The following SMUG1 variants were observed in gnomAD, a reference collection of about 807,000 sequenced individuals.
The protein encoded by SMUG1 is single-strand selective monofunctional uracil DNA glycosylase.
SMUG1 carries 13 observed loss-of-function variants against 23.9 expected under a neutral mutation model. The ratio of observed to expected loss-of-function variants is 0.54; its 90% CI spans 0.35 to 0.86. The LOEUF (loss-of-function observed/expected upper bound fraction) is 0.86, where lower values mean the gene tolerates loss of function less well. SMUG1 is among the 40% of genes least tolerant of loss of function. The pLI is 0.01. For synonymous variants in SMUG1, 133 were observed against 139.8 expected (o/e 0.95, Z 0.34); for missense variants, 313 against 339.5 (o/e 0.92, Z 0.61).
At position 54,181,474 on chromosome 12, in the gene SMUG1, G is replaced by C. The variant is rs1468290020; in HGVS notation, c.*622C>G. ...CCTGTTTTACAGATGAGGAGCCTGA[G>C]GCATAGAGAGGTTTATTAATTTGTC... is the stretch of plus-strand genomic sequence containing the variant. On this transcript the variant is annotated 3_prime_UTR_variant, in exon 4 of 4. Coordinates refer to ENST00000682136, the MANE Select transcript of SMUG1 (RefSeq NM_001243787.2). 7.8e-7 allele frequency: 1 copy of C among 1,284,926 alleles called. No homozygotes were observed. Among genetic ancestry groups the C allele is most frequent in the Non-Finnish European group, 1.1e-6 (1 of 919,438 alleles). The allele number at this position is 1,284,926 out of a possible 1,614,324, so 79.6% of individuals were successfully genotyped here.
chr12:54,174,162 T>C (rs566515796), intron 2 of SMUG1, among the ~76,000 whole-genome samples: 80 of 152,210 alleles, frequency 5.3e-4, no homozygotes, highest in African/African-American at 1.9e-3. Flanking sequence ...AGACCTTCCA[T>C]ACAGCCAGGT....
chr12:54,182,021 A>G lies in SMUG1; in HGVS notation c.*75T>C. The G allele has an allele frequency of 6.6e-7, 1 of 1,511,530 alleles. No homozygotes were observed. Among genetic ancestry groups the G allele is most frequent in the Non-Finnish European group, 8.8e-7 (1 of 1,131,954 alleles). 93.6% of individuals were successfully genotyped at this position (1,511,530 alleles called of 1,614,324 possible). ...GAAGGACCTTTTGCTCCAGTCCAGGAGATGTGTTGTCATCTGCTTGGCCAA... is the reference window on the plus strand; with the variant it reads ...GAAGGACCTTTTGCTCCAGTCCAGGGGATGTGTTGTCATCTGCTTGGCCAA... On this transcript the variant is annotated 3_prime_UTR_variant, in exon 4 of 4. Transcript: ENST00000682136.
In SMUG1 at chr12:54,181,393, G is replaced by T; in HGVS notation, c.*703C>A. On this transcript the variant is annotated 3_prime_UTR_variant, in exon 4 of 4. Coordinates refer to ENST00000682136, the MANE Select transcript of SMUG1 (RefSeq NM_001243787.2). ...CACCCACATGCCAAGCCCATGCAAG[G>T]CACTTTCAAGTGTGATCTCAGTTAA... 1.5e-6 allele frequency: 1 copy of T among 663,806 alleles called. No homozygotes were observed. The highest frequency in any genetic ancestry group is 2.6e-6 in the Non-Finnish European group (1 of 389,014). 41.1% of individuals were successfully genotyped at this position (663,806 alleles called of 1,614,324 possible). A position where few individuals can be genotyped will look rare whatever the true frequency, so the allele number is the denominator to read the frequency against.
intron 3 of SMUG1, among the ~76,000 whole-genome samples, chr12:54,171,350 A>G (rs1033996002): frequency 6.6e-6 from 1 of 151,528 alleles, no homozygotes; most frequent in East Asian, 2.0e-4. Context: ...ATCCAGTGTC[A>G]CTGATTACTC....
chr12:54,167,760 C>G (rs1314836138), intron 3 of SMUG1, among the ~76,000 whole-genome samples: 3 of 152,340 alleles, frequency 2.0e-5, no homozygotes, highest in South Asian at 2.1e-4. Context: ...CCTGAACTAT[C>G]CTGCTTCCAG....
At chr12:54,188,292 AATAAAT>A (rs1181843999) in intron 1 of SMUG1, among the ~76,000 whole-genome samples, 1,172 of 31,592 alleles carry the variant, frequency 0.037, 20 homozygotes, top group African/African-American at 0.087. Flanking sequence ...TAATAATAAT[AATAAAT>A]AATAATAATA....
At position 54,181,565 on chromosome 12, in the gene SMUG1, C is replaced by A; in HGVS notation, c.*531G>T. ...AGGTCTTCTGACTTGCACTCTGTCA[C>A]ACTGGATTTTTCCTCTGATCCAGCT... On this transcript the variant is annotated 3_prime_UTR_variant, in exon 4 of 4. Transcript: ENST00000682136. 1 of 1,553,660 alleles carries A rather than the reference C, an allele frequency of 6.4e-7. No individual in the cohort carries two copies.
chr12:54,171,677 G>C (rs117514802), intron 3 of SMUG1, among the ~76,000 whole-genome samples: 5,824 of 101,980 alleles, frequency 0.057, 226 homozygotes, highest in East Asian at 0.23. Flanking sequence ...CAGAGCTAGA[G>C]TCTTGTCTCA....
chr12:54,168,938 T>A (rs941806434), intron 3 of SMUG1, among the ~76,000 whole-genome samples: 2 of 152,046 alleles, frequency 1.3e-5, no homozygotes, highest in African/African-American at 4.8e-5. Context: ...TCTAAGACAG[T>A]CCCCGAAAAT....
intron 2 of SMUG1, chr12:54,184,344 A>G (rs1180142038): frequency 1.9e-5 from 3 of 159,222 alleles, no homozygotes; most frequent in African/African-American, 7.2e-5. Context: ...ATCCTAAAAA[A>G]GAAAAGCCCA....
intron 3 of SMUG1, among the ~76,000 whole-genome samples, chr12:54,166,022 T>C (rs1940449514): frequency 6.6e-6 from 1 of 152,202 alleles, no homozygotes; most frequent in Non-Finnish European, 1.5e-5. Context: ...ACAGAACATT[T>C]GAAAGGACTC....
downstream of SMUG1, among the ~76,000 whole-genome samples, chr12:54,178,263 G>A (rs1592360151): frequency 6.6e-6 from 1 of 152,066 alleles, no homozygotes. Context: ...GTGTCCTTAG[G>A]GAAAGGCAGG....
intron 3 of SMUG1, among the ~76,000 whole-genome samples, chr12:54,169,729 A>G (rs1487985512): frequency 6.6e-6 from 1 of 152,252 alleles, no homozygotes; most frequent in Non-Finnish European, 1.5e-5. Context: ...TGGGCACCTT[A>G]GAGTCCTCCA....
At chr12:54,185,229 T>C (rs1017306738) in intron 2 of SMUG1, among the ~76,000 whole-genome samples, 2 of 150,950 alleles carry the variant, frequency 1.3e-5, no homozygotes, top group Admixed American at 6.6e-5. Flanking sequence ...CATTTGAACC[T>C]GAAAGGTGGA....
At chr12:54,188,110 C>T (rs1942875188) in intron 1 of SMUG1, among the ~76,000 whole-genome samples, 1 of 151,660 alleles carries the variant, frequency 6.6e-6, no homozygotes, top group Non-Finnish European at 1.5e-5. Context: ...TTGGACCAAG[C>T]GATAAGGCTG....
chr12:54,176,140 C>T (rs910825111), downstream of SMUG1, among the ~76,000 whole-genome samples: 4 of 150,948 alleles, frequency 2.6e-5, no homozygotes, highest in Middle Eastern at 3.4e-3. Flanking sequence ...GCAGGAGAAT[C>T]GCTTGAACCC....
chr12:54,187,447 G>A (rs562866401), intron 2 of SMUG1, among the ~76,000 whole-genome samples: 8 of 152,248 alleles, frequency 5.3e-5, no homozygotes, highest in African/African-American at 1.9e-4. Flanking sequence ...TGTGGAGAAC[G>A]CCAGTGTTTC....
downstream of SMUG1, among the ~76,000 whole-genome samples, chr12:54,160,098 C>G (rs1940196971): frequency 6.6e-6 from 1 of 152,212 alleles, no homozygotes; most frequent in Non-Finnish European, 1.5e-5. Context: ...TCCTTCAGCA[C>G]AGCACATCTC....
rs74089907 is a variant in SMUG1 at position 54,167,471 on chromosome 12, G to A, written c.*53-1993C>T. Among the ~76,000 whole-genome samples the A allele has an allele frequency of 5.9e-4, 90 of 152,230 alleles. 1 individual carries two copies. Among genetic ancestry groups the A allele is most frequent in the African/African-American group, 2.0e-3 (85 of 41,546 alleles). On this transcript the variant is annotated intron_variant and NMD_transcript_variant, in intron 3 of 4. Coordinates refer to the SMUG1 transcript ENST00000509864. ...AGCCTCCAGGGAGTACAGACAGACC[G>A]ACAAGAAGGGTCCCACCCAATAAGC...
Sources: gnomAD v4.1 joint callset for allele counts (sites outside exome capture counted in the v4.1 genomes callset) on GRCh38, gnomAD v4.1.1 for gene constraint, MANE v1.5 for transcripts, NCBI Gene and HGNC (gene_info 2026-07-23, HGNC 2026-07-21) for gene names.